The following ARMH3 variants were observed in gnomAD, a reference collection of about 807,000 sequenced individuals.
ARMH3 encodes armadillo like helical domain containing 3.
In ARMH3, 60 loss-of-function variants were observed where a neutral mutation model predicts 99.1. That is an observed-to-expected ratio of 0.61 (90% CI 0.49 to 0.75). The LOEUF is 0.75. ARMH3 is among the 30% of genes least tolerant of loss of function. The probability of loss-of-function intolerance (pLI) is 0.00; values close to 1 mark genes in which losing one functional copy is unlikely to be tolerated. For synonymous variants in ARMH3, 285 were observed against 292.8 expected (o/e 0.97, Z 0.27); for missense variants, 679 against 843.1 (o/e 0.81, Z 2.41).
At chr10:102,031,608 G>C (rs889800548) in intron 4 of ARMH3, among the ~76,000 whole-genome samples, 2 of 152,140 alleles carry the variant, frequency 1.3e-5, no homozygotes, top group Non-Finnish European at 2.9e-5. Flanking sequence ...CAACTCAAGA[G>C]GTAATTATTA....
intron 23 of ARMH3, among the ~76,000 whole-genome samples, chr10:101,923,065 A>C (rs1843365638): frequency 6.6e-6 from 1 of 152,186 alleles, no homozygotes; most frequent in African/African-American, 2.4e-5. Context: ...ACTCTCATTA[A>C]ACCTCTTACA....
At chr10:101,872,336 A>C (rs377681660) in intron 24 of ARMH3, among the ~76,000 whole-genome samples, 3 of 152,242 alleles carry the variant, frequency 2.0e-5, no homozygotes, top group South Asian at 2.1e-4. Context: ...AAAGAAGAAC[A>C]ACCAAATTTT....
At chr10:102,018,742 G>A (rs1275455477) in intron 8 of ARMH3, among the ~76,000 whole-genome samples, 1 of 152,092 alleles carries the variant, frequency 6.6e-6, no homozygotes, top group Non-Finnish European at 1.5e-5. Context: ...GATCACTTGA[G>A]GTCAGGAGTT....
intron 5 of ARMH3, 121 bp downstream of exon 5, chr10:102,029,517 C>T (rs1300088823): frequency 6.3e-7 from 1 of 1,595,142 alleles, no homozygotes; most frequent in Non-Finnish European, 8.5e-7. Context: ...AATGCAAGGC[C>T]AAATTCAATC....
At chr10:101,975,073 AAG>A in intron 20 of ARMH3, 137 bp downstream of exon 20, 6 of 387,304 alleles carry the variant, frequency 1.5e-5, no homozygotes, top group South Asian at 4.7e-5. Context: ...AAAAAAAAAA[AAG>A]ACAAAAAGAG....
chr10:102,001,044 T>C (rs949737685), intron 15 of ARMH3, among the ~76,000 whole-genome samples: 1 of 152,108 alleles, frequency 6.6e-6, no homozygotes, highest in Non-Finnish European at 1.5e-5. Flanking sequence ...CTTGAACTCC[T>C]GGCCTCAAGT....
chr10:102,053,685 A>G (rs1311935243), intron 1 of ARMH3, among the ~76,000 whole-genome samples: 4 of 143,202 alleles, frequency 2.8e-5, no homozygotes, highest in Admixed American at 2.1e-4. Context: ...TTTGAGAGGG[A>G]GTCTCGCTCT....
chr10:102,010,147 A>T, intron 11 of ARMH3, 124 bp from the exon 12 acceptor site: 1 of 790,050 alleles, frequency 1.3e-6, no homozygotes, highest in Non-Finnish European at 2.1e-6. Context: ...TTGGAACTCT[A>T]GGCCATAAGT....
intron 15 of ARMH3, among the ~76,000 whole-genome samples, 181 bp downstream of exon 15, chr10:102,001,790 C>T (rs556734002): frequency 1.9e-4 from 29 of 152,336 alleles, no homozygotes; most frequent in Non-Finnish European, 2.5e-4. Flanking sequence ...GTTTTCCCAA[C>T]ACCACCTAAT....
chr10:102,007,336 T>TA (rs34558673), intron 13 of ARMH3, among the ~76,000 whole-genome samples: 11,933 of 132,490 alleles, frequency 0.09, 557 homozygotes, highest in East Asian at 0.16. Flanking sequence ...CACAGACATT[T>TA]AAAAAAAAAA....
intron 20 of ARMH3, among the ~76,000 whole-genome samples, chr10:101,963,909 C>T (rs1311498455): frequency 1.3e-4 from 19 of 144,598 alleles, no homozygotes; most frequent in South Asian, 2.2e-4. Context: ...CGGAGTCTTG[C>T]TCTGTCGCCC....
At chr10:102,000,633 AATG>A (rs2066336144) in intron 15 of ARMH3, among the ~76,000 whole-genome samples, 2 of 115,926 alleles carry the variant, frequency 1.7e-5, no homozygotes, top group African/African-American at 6.2e-5. Context: ...ATCCAGGTAT[AATG>A]GTGCACACCT....
intron 23 of ARMH3, among the ~76,000 whole-genome samples, chr10:101,890,128 T>G (rs575055876): frequency 6.6e-6 from 1 of 152,248 alleles, no homozygotes; most frequent in East Asian, 1.9e-4. Flanking sequence ...TGTCATTTCT[T>G]GCCTGGTGTA....
chr10:102,032,736 C>T (rs529659497), intron 4 of ARMH3, among the ~76,000 whole-genome samples: 20 of 152,204 alleles, frequency 1.3e-4, no homozygotes, highest in African/African-American at 4.6e-4. Context: ...TCATTCTTGC[C>T]TCAGTTTCCT....
chr10:102,048,923 A>C (rs892260112), intron 1 of ARMH3, among the ~76,000 whole-genome samples: 4 of 152,204 alleles, frequency 2.6e-5, no homozygotes, highest in African/African-American at 7.2e-5. Flanking sequence ...TAGCACTATA[A>C]GAACTTAAGG....
intron 20 of ARMH3, among the ~76,000 whole-genome samples, chr10:101,959,383 C>T (rs1845180405): frequency 6.6e-6 from 1 of 152,330 alleles, no homozygotes; most frequent in East Asian, 1.9e-4. Context: ...TACTACCTGA[C>T]AATCGGACTC....
chr10:101,924,688 TTAAAA>T (rs889274412), intron 23 of ARMH3, among the ~76,000 whole-genome samples: 1 of 151,894 alleles, frequency 6.6e-6, no homozygotes. Context: ...GCAAGTAGCA[TTAAAA>T]TAAAATAAAA....
At chr10:101,917,993 T>C (rs1431309239) in intron 23 of ARMH3, among the ~76,000 whole-genome samples, 1 of 152,212 alleles carries the variant, frequency 6.6e-6, no homozygotes, top group African/African-American at 2.4e-5. Context: ...GTGTTCTTAA[T>C]AATCAATTTT....
At chr10:101,862,966 G>A (rs1410006769) in intron 24 of ARMH3, among the ~76,000 whole-genome samples, 2 of 152,222 alleles carry the variant, frequency 1.3e-5, no homozygotes. Flanking sequence ...CACTTTGGGA[G>A]GCAGAGGCGG....
Sources: gnomAD v4.1 joint callset for allele counts (sites outside exome capture counted in the v4.1 genomes callset) on GRCh38, gnomAD v4.1.1 for gene constraint, MANE v1.5 for transcripts, NCBI Gene and HGNC (gene_info 2026-07-23, HGNC 2026-07-21) for gene names.